DMD: variants seen among roughly 807,000 people sequenced by gnomAD.
DMD encodes dystrophin, also known as mutant dystrophin.
Under a neutral mutation model 330.1 loss-of-function variants are expected in DMD, and 63 were observed. The observed-to-expected ratio is 0.19, with a 90% confidence interval of 0.16 to 0.24. The LOEUF (loss-of-function observed/expected upper bound fraction) is 0.24. Ranked by LOEUF, DMD falls within the 10% of genes least tolerant of loss-of-function variation. The pLI, the probability that DMD is intolerant of heterozygous loss-of-function variation, is 1.00. For missense variants in DMD, 3,344 were observed against 2,684.1 expected (o/e 1.25, Z -5.43); for synonymous variants, 1,223 against 959.8 (o/e 1.27, Z -5.07).
At chrX:32,205,014 C>CACACACAT (rs2097059870) in intron 44 of DMD, among the ~76,000 whole-genome samples, 2 of 73,426 alleles carry the variant, frequency 2.7e-5, no homozygotes, top group Non-Finnish European at 5.6e-5. Flanking sequence ...CTCACATACA[C>CACACACAT]ACACACACAC....
chrX:32,655,934 C>G (rs1041884195), intron 9 of DMD, among the ~76,000 whole-genome samples: 1 of 110,626 alleles, frequency 9.0e-6, no homozygotes, highest in African/African-American at 3.4e-5. Context: ...GGTCTAAAGT[C>G]TGTTTTATCA....
chrX:31,946,626 G>T (rs1603617335), intron 45 of DMD, among the ~76,000 whole-genome samples: 1 of 111,380 alleles, frequency 9.0e-6, no homozygotes, highest in African/African-American at 3.3e-5. Flanking sequence ...AGAATCCAAA[G>T]GGTATCTTCA....
At chrX:32,288,416 A>T (rs1190978506) in intron 42 of DMD, among the ~76,000 whole-genome samples, 5 of 111,765 alleles carry the variant, frequency 4.5e-5, no homozygotes, top group Admixed American at 9.5e-5. Context: ...GACTTTCAGG[A>T]CATATGCAGA....
In DMD at chrX:33,295,271, C is replaced by G. The variant is rs1250791094; in HGVS notation, c.7+43988G>C. The stretch of plus-strand genomic sequence containing the variant: ...TCCTTTTATCTGTATGGTGAAAATG[C>G]TATATAATAATTGGCCACTACCTAT... On this transcript the variant is annotated intron_variant, in intron 1 of 17. Coordinates refer to the DMD transcript ENST00000288447. Among the ~76,000 whole-genome samples the G allele has an allele frequency of 2.7e-5, 3 of 111,109 alleles. No individual in the cohort carries two copies. In the East Asian group the frequency reaches 8.5e-4, roughly 31 times the overall value.
intron 60 of DMD, among the ~76,000 whole-genome samples, chrX:31,400,702 G>A (rs1020915123): frequency 8.9e-6 from 1 of 111,930 alleles, no homozygotes; most frequent in African/African-American, 3.2e-5. Context: ...GTTATTTAGA[G>A]TGTATACCCT....
rs2097109849 is a variant in DMD, at chrX:32,215,715, T to A, written c.6438+1201A>T. ...TATAACTCTAATATGTTTCTGCCTC[T>A]CAGGCAGAAACCCCATTATGCTACA... is the stretch of plus-strand genomic sequence containing the variant. On this transcript the variant is annotated intron_variant, in intron 44 of 78. Coordinates refer to ENST00000357033, the MANE Select transcript of DMD (RefSeq NM_004006.3). Among the ~76,000 whole-genome samples the A allele has an allele frequency of 4.5e-5, 5 of 111,665 alleles. No homozygotes were observed. In the South Asian group the frequency reaches 1.9e-3, roughly 42 times the overall value.
At chrX:31,957,073 G>A (rs1289658842) in intron 45 of DMD, among the ~76,000 whole-genome samples, 4 of 111,919 alleles carry the variant, frequency 3.6e-5, no homozygotes, top group Middle Eastern at 4.2e-3. Flanking sequence ...GCACATGCCT[G>A]TAATCCCAGC....
chrX:32,521,420 C>A (rs190739880), intron 17 of DMD, among the ~76,000 whole-genome samples: 90 of 111,629 alleles, frequency 8.1e-4, no homozygotes, highest in African/African-American at 2.8e-3. Context: ...GTAATTTTTT[C>A]TTTGCAGGTC....
chrX:31,718,051 A>G (rs2085191086), intron 52 of DMD, among the ~76,000 whole-genome samples: 1 of 112,007 alleles, frequency 8.9e-6, no homozygotes, highest in Non-Finnish European at 1.9e-5. Flanking sequence ...CCAGGGTTAG[A>G]CTTAGAGATG....
chrX:32,888,094 A>G (rs1314602608), intron 2 of DMD, among the ~76,000 whole-genome samples: 1 of 111,357 alleles, frequency 9.0e-6, no homozygotes, highest in Non-Finnish European at 1.9e-5. Flanking sequence ...CTTTTAAAAT[A>G]TGACAAAGTA....
chrX:32,678,383 A>C (rs754341415), intron 9 of DMD, among the ~76,000 whole-genome samples: 17 of 112,007 alleles, frequency 1.5e-4, no homozygotes, highest in African/African-American at 5.5e-4. Context: ...AAAATATCCA[A>C]ATAGACAAAA....
At chrX:31,863,109 C>CTTAT (rs1473098700) in intron 48 of DMD, among the ~76,000 whole-genome samples, 12 of 112,487 alleles carry the variant, frequency 1.1e-4, no homozygotes, top group Non-Finnish European at 2.3e-4. Context: ...TCTGGGAGGC[C>CTTAT]GAGGCGGGCA....
intron 7 of DMD, among the ~76,000 whole-genome samples, chrX:32,755,243 AAAT>A (rs1410500247): frequency 1.8e-5 from 2 of 110,645 alleles, no homozygotes; most frequent in Non-Finnish European, 3.8e-5. Context: ...AGTTCTAAGT[AAAT>A]ACAGTAAATT....
At chrX:32,558,003 A>G (rs964298325) in intron 16 of DMD, among the ~76,000 whole-genome samples, 3 of 110,436 alleles carry the variant, frequency 2.7e-5, no homozygotes, top group Admixed American at 2.0e-4. Context: ...AATTTCTTGA[A>G]TAAGTACTGA....
upstream of DMD, among the ~76,000 whole-genome samples, chrX:33,215,497 T>C (rs2052037574): frequency 8.9e-6 from 1 of 111,776 alleles, no homozygotes; most frequent in Non-Finnish European, 1.9e-5. Flanking sequence ...TTGATGTTTC[T>C]TTTGCTTTGC....
chrX:32,378,246 A>G (rs981985833), intron 34 of DMD, among the ~76,000 whole-genome samples: 2 of 110,128 alleles, frequency 1.8e-5, no homozygotes, highest in Admixed American at 9.7e-5. Flanking sequence ...TTCCCTGTCC[A>G]TTCCACCACC....
intron 44 of DMD, among the ~76,000 whole-genome samples, chrX:32,178,570 A>G (rs1339852393): frequency 1.8e-5 from 2 of 110,362 alleles, no homozygotes; most frequent in African/African-American, 6.6e-5. Context: ...TAATATATTA[A>G]TATATTTTAA....
intron 1 of DMD, among the ~76,000 whole-genome samples, chrX:33,083,006 A>G (rs1217100404): frequency 3.6e-5 from 4 of 112,036 alleles, no homozygotes; most frequent in Non-Finnish European, 7.5e-5. Context: ...ACCCTTGCAG[A>G]GGAGACAAAT....
At position 32,510,182 on chromosome X, in the gene DMD, T is replaced by G. The variant is rs776621763; in HGVS notation, c.2292+7826A>C. Among the ~76,000 whole-genome samples the G allele has an allele frequency of 4.5e-5, 5 of 112,023 alleles. No individual in the cohort carries two copies. In the South Asian group the frequency reaches 1.9e-3, roughly 42 times the overall value. ...CATGGTCTGATCTTAATTAACTTCC[T>G]TAACCTTTCTGAATTCTTCTGCTGC... On this transcript the variant is annotated intron_variant, in intron 18 of 78. Transcript: ENST00000357033.
Sources: allele counts gnomAD v4.1 joint callset (sites outside exome capture counted in the v4.1 genomes callset), GRCh38; gene constraint gnomAD v4.1.1; transcripts MANE v1.5; gene names NCBI Gene and HGNC (gene_info 2026-07-23, HGNC 2026-07-21).